Variants in ANK2 observed in about 807,000 individuals in gnomAD.
ANK2 encodes the protein ankyrin-2.
In ANK2, 83 loss-of-function variants were observed where a neutral mutation model predicts 360.5. The observed-to-expected ratio is 0.23, with a 90% CI of 0.19 to 0.28. The LOEUF is 0.28. Ranked by LOEUF, ANK2 falls within the 10% of genes least tolerant of loss-of-function variation. The pLI is 1.00. For synonymous variants in ANK2, 1,740 were observed against 1,759.5 expected (o/e 0.99, Z 0.28); for missense variants, 4,201 against 4,795.7 (o/e 0.88, Z 3.66).
At chr4:113,368,753 C>G (rs1037345672) in intron 42 of ANK2, among the ~76,000 whole-genome samples, 1 of 152,144 alleles carries the variant, frequency 6.6e-6, no homozygotes, top group African/African-American at 2.4e-5. Flanking sequence ...TCTTCTTCCA[C>G]TGAGCCACCC....
intron 1 of ANK2, among the ~76,000 whole-genome samples, chr4:113,126,268 A>C (rs969023348): frequency 6.6e-5 from 10 of 152,322 alleles, no homozygotes; most frequent in Admixed American, 6.5e-4. Flanking sequence ...TTTAAATTGC[A>C]GGGTGCTGTA....
At chr4:113,023,514 T>C (rs568629262) in intron 2 of ANK2, among the ~76,000 whole-genome samples, 11 of 152,362 alleles carry the variant, frequency 7.2e-5, no homozygotes, top group Admixed American at 2.0e-4. Flanking sequence ...GCTGACTCTC[T>C]GATTCCTTTC....
Position 113,332,027 on chromosome 4 carries a change from A to T in ANK2, c.3181A>T (p.Ser1061Cys). Residue 1061 changes from serine (S) to cysteine (C), a missense_variant, in exon 28 of 46, where the codon AGC becomes TGC. Transcript: ENST00000357077. ...ACTTAATGAGGGAGAAAGTTTGGTCAGCCGCATTCTTCAGCTGGGGCCTCC... is the reference window on the plus strand; with the variant it reads ...ACTTAATGAGGGAGAAAGTTTGGTCTGCCGCATTCTTCAGCTGGGGCCTCC... ...PPLNEGESLVSRILQLGPPGT... is the reference protein window; with the variant it reads ...PPLNEGESLVCRILQLGPPGT... The T allele has an allele frequency of 6.2e-7, 1 of 1,614,198 alleles. No individual in the cohort carries two copies. Among genetic ancestry groups the T allele is most frequent in the East Asian group, 2.2e-5 (1 of 44,888 alleles).
chr4:113,355,956 C>T lies in ANK2; in HGVS notation c.7338C>T (p.Asn2446=). 2 of 1,614,076 alleles carry T rather than the reference C, an allele frequency of 1.2e-6. No individual in the cohort carries two copies. Among genetic ancestry groups the T allele is most frequent in the Non-Finnish European group, 1.7e-6 (2 of 1,179,970 alleles). Residue 2446 remains asparagine, a synonymous_variant, in exon 38 of 46, where the codon AAC becomes AAT. Coordinates refer to ENST00000357077, the MANE Select transcript of ANK2 (RefSeq NM_001148.6). ...SLEASPVLED[N]SSHKTPDSLE... is the part of the protein sequence containing the mutation. Reference sequence around the variant, plus strand: ...AAGCCAGCCCTGTGCTAGAAGATAACTCTTCACACAAAACCCCTGATTCTC... The same window carrying T: ...AAGCCAGCCCTGTGCTAGAAGATAATTCTTCACACAAAACCCCTGATTCTC...
At chr4:113,061,267 A>G (rs1404219445) in intron 1 of ANK2, among the ~76,000 whole-genome samples, 1 of 152,056 alleles carries the variant, frequency 6.6e-6, no homozygotes, top group Non-Finnish European at 1.5e-5. Flanking sequence ...GGGAACTTAC[A>G]CTTACTGTAA....
intron 23 of ANK2, among the ~76,000 whole-genome samples, chr4:113,307,372 C>G (rs1237141178): frequency 6.7e-6 from 1 of 149,654 alleles, no homozygotes; most frequent in Admixed American, 6.6e-5. Context: ...ATCTCCTTGT[C>G]AGCATCATGA....
At chr4:113,218,891 CAGTTA>C (rs2099117542) in intron 4 of ANK2, among the ~76,000 whole-genome samples, 1 of 152,072 alleles carries the variant, frequency 6.6e-6, no homozygotes, top group Non-Finnish European at 1.5e-5. Context: ...GAACAATAAC[CAGTTA>C]AGTTAATACT....
At chr4:112,951,984 A>T (rs1489034672) in intron 2 of ANK2, among the ~76,000 whole-genome samples, 1 of 152,176 alleles carries the variant, frequency 6.6e-6, no homozygotes, top group Non-Finnish European at 1.5e-5. Context: ...ATTAAATCTG[A>T]CGTGTGATGT....
intron 41 of ANK2, among the ~76,000 whole-genome samples, chr4:113,365,974 C>A (rs750237746): frequency 6.6e-6 from 1 of 152,192 alleles, no homozygotes; most frequent in Admixed American, 6.6e-5. Context: ...TTTACTCAAT[C>A]AGGGACTCCA....
chr4:113,271,350 G>A lies in ANK2; in HGVS notation c.1486-3102G>A, dbSNP rs548970416. ...GAACCACATGGAATATGGGATGTCC[G>A]TTTCCCCCAAATGAGGGATGGCTGT... On this transcript the variant is annotated intron_variant, in intron 14 of 45. Transcript: ENST00000357077. 5.3e-5 allele frequency among the ~76,000 whole-genome samples: 8 copies of A among 152,280 alleles called. No individual in the cohort carries two copies. In the East Asian group the frequency reaches 1.4e-3, roughly 26 times the overall value.
At chr4:112,918,506 A>C (rs1255247535) in intron 2 of ANK2, among the ~76,000 whole-genome samples, 5 of 152,180 alleles carry the variant, frequency 3.3e-5, no homozygotes, top group Admixed American at 2.6e-4. Flanking sequence ...GAAACATCCA[A>C]GTCCGGACAC....
In ANK2 at chr4:113,085,858, C is replaced by G. The variant is rs1208256152; in HGVS notation, c.84+36046C>G. Among the ~76,000 whole-genome samples, 4 of 151,888 alleles carry G rather than the reference C, an allele frequency of 2.6e-5. No homozygotes were observed. The East Asian group carries it at 7.7e-4, about 29-fold the overall frequency. On this transcript the variant is annotated intron_variant, in intron 1 of 45. Transcript: ENST00000357077. ...ACCAGTCACTAGTGTTTTTAGAGAA[C>G]CTTTACATAATTTTCTTGTAAAAGG...
chr4:113,226,843 A>G (rs1178065707), intron 4 of ANK2, among the ~76,000 whole-genome samples: 1 of 152,234 alleles, frequency 6.6e-6, no homozygotes, highest in Non-Finnish European at 1.5e-5. Context: ...CTACTGTAAC[A>G]ACTGGTAATG....
chr4:113,010,034 A>T (rs11098183), intron 2 of ANK2, among the ~76,000 whole-genome samples: 2 of 151,934 alleles, frequency 1.3e-5, no homozygotes, highest in Admixed American at 1.3e-4. Context: ...TAATCCTCAC[A>T]TGGCAAAAGG....
chr4:113,151,931 C>T (rs1326228148), intron 1 of ANK2, among the ~76,000 whole-genome samples: 1 of 148,938 alleles, frequency 6.7e-6, no homozygotes. Flanking sequence ...ACTAGGTGTG[C>T]TGGCACACAT....
chr4:112,887,021 G>T (rs542802080), intron 1 of ANK2, among the ~76,000 whole-genome samples: 2 of 152,126 alleles, frequency 1.3e-5, no homozygotes, highest in East Asian at 3.9e-4. Flanking sequence ...CAAATGGTAG[G>T]TTTTTTTCAA....
intron 24 of ANK2, among the ~76,000 whole-genome samples, chr4:113,315,680 C>G (rs547947223): frequency 6.6e-6 from 1 of 152,024 alleles, no homozygotes; most frequent in Non-Finnish European, 1.5e-5. Context: ...GGGCGGATCA[C>G]GAGGTCAGGA....
rs73841966 is a variant in ANK2 at position 113,336,908 on chromosome 4, T to A, written c.3796+127T>A. Reference sequence around the variant, plus strand: ...ATGCATTAATTCAGGGAATACATTTTAATTAACTAGGGAAATGAAAGGTGA... The same window carrying A: ...ATGCATTAATTCAGGGAATACATTTAAATTAACTAGGGAAATGAAAGGTGA... On this transcript the variant is annotated intron_variant, in intron 31 of 45. Coordinates refer to ENST00000357077, the MANE Select transcript of ANK2 (RefSeq NM_001148.6). 6.4e-4 allele frequency: 574 copies of A among 901,694 alleles called. 3 individuals carry two copies. In the African/African-American group the frequency reaches 8.6e-3, roughly 13 times the overall value. The allele number at this position is 901,694 out of a possible 1,614,324, so 55.9% of individuals were successfully genotyped here. A position where few individuals can be genotyped will look rare whatever the true frequency, so the allele number is the denominator to read the frequency against.
intron 1 of ANK2, among the ~76,000 whole-genome samples, chr4:113,078,155 CA>C (rs1336198876): frequency 6.6e-6 from 1 of 152,180 alleles, no homozygotes; most frequent in African/African-American, 2.4e-5. Flanking sequence ...TTCTCAAGCA[CA>C]TACATAATCA....
Sources: allele counts gnomAD v4.1 joint callset (sites outside exome capture counted in the v4.1 genomes callset), GRCh38; gene constraint gnomAD v4.1.1; transcripts MANE v1.5; gene names NCBI Gene and HGNC (gene_info 2026-07-23, HGNC 2026-07-21).